GPC5: variants seen among roughly 807,000 people sequenced by gnomAD.
GPC5 encodes the protein glypican 5, also known as glypican-5.
In GPC5, 47 loss-of-function variants were observed where a neutral mutation model predicts 53.9. That is an observed-to-expected ratio of 0.87 (90% confidence interval 0.69 to 1.11). The LOEUF (loss-of-function observed/expected upper bound fraction) is 1.11. GPC5 is among the 50% of genes most tolerant of loss of function. GPC5 has a pLI of 0.00. For synonymous variants in GPC5, 286 were observed against 263.3 expected, an observed-to-expected ratio of 1.09 and a Z score of -0.84; for missense variants, 748 against 713.1, an observed-to-expected ratio of 1.05 and a Z score of -0.56.
chr13:92,798,915 A>G (rs992733070), intron 7 of GPC5, among the ~76,000 whole-genome samples: 1 of 151,886 alleles, frequency 6.6e-6, no homozygotes, highest in African/African-American at 2.4e-5. Flanking sequence ...TAACACCAGT[A>G]TTACAATACG....
intron 7 of GPC5, among the ~76,000 whole-genome samples, chr13:92,661,406 A>C (rs534583905): frequency 6.6e-6 from 1 of 152,342 alleles, no homozygotes; most frequent in South Asian, 2.1e-4. Flanking sequence ...AATTATACAC[A>C]CTAAATGAGA....
rs576127576 is a variant in GPC5, at chr13:91,745,618, GA to G, written c.1155-10668del. Among the ~76,000 whole-genome samples, 85 of 151,118 alleles carry G rather than the reference GA, an allele frequency of 5.6e-4. 1 individual carries two copies. In the South Asian group the frequency reaches 0.017, roughly 29 times the overall value. Reference sequence around the variant, plus strand: ...GGGGAAAACCTGGAATGACTTAGGGGAAAAAAAAATCTGTCTCTTTGAGAAA... The same window carrying G: ...GGGGAAAACCTGGAATGACTTAGGGGAAAAAAAATCTGTCTCTTTGAGAAA... On this transcript the variant is annotated intron_variant, in intron 4 of 7. Coordinates refer to ENST00000377067, the MANE Select transcript of GPC5 (RefSeq NM_004466.6).
intron 5 of GPC5, among the ~76,000 whole-genome samples, chr13:91,898,953 A>G (rs895786539): frequency 2.0e-5 from 3 of 152,218 alleles, no homozygotes; most frequent in African/African-American, 7.2e-5. Flanking sequence ...AATTTGGACA[A>G]CTAAGCTAAG....
intron 2 of GPC5, among the ~76,000 whole-genome samples, chr13:91,648,431 T>A (rs991272481): frequency 3.0e-5 from 4 of 134,534 alleles, no homozygotes; most frequent in East Asian, 1.9e-4. Context: ...AGATTGTCAC[T>A]CTTACATCTT....
chr13:92,331,136 T>G (rs2043285360), intron 7 of GPC5, among the ~76,000 whole-genome samples: 1 of 152,170 alleles, frequency 6.6e-6, no homozygotes, highest in South Asian at 2.1e-4. Context: ...GTGTATTATC[T>G]CTGCTCAGTC....
chr13:92,362,666 G>T (rs1324600614), intron 7 of GPC5, among the ~76,000 whole-genome samples: 2 of 151,652 alleles, frequency 1.3e-5, no homozygotes, highest in East Asian at 1.9e-4. Context: ...ATGGCCCTTT[G>T]GTTTCTCCCA....
intron 7 of GPC5, among the ~76,000 whole-genome samples, chr13:92,196,080 A>G (rs1291371688): frequency 7.9e-5 from 12 of 152,134 alleles, no homozygotes; most frequent in Admixed American, 7.9e-4. Context: ...ATTAAAGTTA[A>G]TTTTGCTTTT....
intron 6 of GPC5, among the ~76,000 whole-genome samples, chr13:92,116,884 G>T (rs1299151698): frequency 3.3e-5 from 5 of 152,038 alleles, no homozygotes; most frequent in African/African-American, 1.2e-4. Context: ...CTCATTTTTT[G>T]TTGGGTTGAT....
Position 92,325,514 on chromosome 13 carries a change from A to G in GPC5, c.1561+180525A>G, listed in dbSNP as rs185434617. On this transcript the variant is annotated intron_variant, in intron 7 of 7. Coordinates refer to ENST00000377067, the MANE Select transcript of GPC5 (RefSeq NM_004466.6). ...GATTAGCTCTGTTGTTGTGATTCTT[A>G]AGGATGATTGTATTCACTGTGGTGG... 7.9e-5 allele frequency among the ~76,000 whole-genome samples: 12 copies of G among 152,200 alleles called. No homozygotes were observed. In the East Asian group the frequency reaches 2.3e-3, roughly 29 times the overall value.
chr13:91,685,056 G>T (rs139198593), intron 2 of GPC5, among the ~76,000 whole-genome samples: 27 of 152,030 alleles, frequency 1.8e-4, no homozygotes, highest in African/African-American at 6.5e-4. Flanking sequence ...CCTCAGAGAG[G>T]GTTTTCCTTC....
intron 7 of GPC5, among the ~76,000 whole-genome samples, chr13:92,666,866 G>T (rs1215445344): frequency 6.6e-6 from 1 of 152,178 alleles, no homozygotes. Flanking sequence ...ATTTCCAAGA[G>T]GAGCTATATT....
chr13:92,161,521 A>G (rs929403163), intron 7 of GPC5, among the ~76,000 whole-genome samples: 5 of 152,210 alleles, frequency 3.3e-5, no homozygotes, highest in East Asian at 1.9e-4. Context: ...AACAAAAATA[A>G]TAAGTATGTG....
chr13:92,634,123 T>TC (rs34850395), intron 7 of GPC5, among the ~76,000 whole-genome samples: 51,841 of 151,834 alleles, frequency 0.34, 10,030 homozygotes, highest in Non-Finnish European at 0.45. Context: ...GGACTATCTT[T>TC]TAATGGAATG....
intron 7 of GPC5, among the ~76,000 whole-genome samples, chr13:92,399,456 A>G (rs1200636747): frequency 6.6e-6 from 1 of 152,062 alleles, no homozygotes; most frequent in Non-Finnish European, 1.5e-5. Context: ...CTCCTTCCAG[A>G]TCATTCCTCA....
chr13:92,387,679 T>C (rs9523662), intron 7 of GPC5, among the ~76,000 whole-genome samples: 76,737 of 151,966 alleles, frequency 0.5, 19,692 homozygotes, highest in East Asian at 0.55. Flanking sequence ...TAAAAAGTGA[T>C]TCTTAATTAA....
chr13:92,078,303 G>A (rs550498750), intron 6 of GPC5, among the ~76,000 whole-genome samples: 27 of 152,198 alleles, frequency 1.8e-4, no homozygotes, highest in Middle Eastern at 3.4e-3. Context: ...TATTCTGAGC[G>A]CCATTTTAAA....
At chr13:92,284,921 G>T (rs2042942857) in intron 7 of GPC5, among the ~76,000 whole-genome samples, 2 of 152,054 alleles carry the variant, frequency 1.3e-5, no homozygotes, top group Non-Finnish European at 2.9e-5. Flanking sequence ...TAAATAAAGG[G>T]TATTCAATTA....
intron 7 of GPC5, among the ~76,000 whole-genome samples, chr13:92,319,493 C>A (rs1259696860): frequency 3.3e-5 from 5 of 151,816 alleles, no homozygotes; most frequent in Admixed American, 6.6e-5. Context: ...TCACTTACCC[C>A]TACCTCCACT....
At position 92,415,674 on chromosome 13, in the gene GPC5, G is replaced by A. The variant is rs1279383618; in HGVS notation, c.1561+270685G>A. Among the ~76,000 whole-genome samples, 4 of 109,100 alleles carry A rather than the reference G, an allele frequency of 3.7e-5. No individual in the cohort carries two copies. The East Asian group carries it at 1.2e-3, about 34-fold the overall frequency. The allele number at this position is 109,100 out of a possible 152,430, so 71.6% of individuals were successfully genotyped here. ...TGCTGAGAGGAAGGTTCCAGCTGGA[G>A]GTAAAAAAAAAAAAAAGAAGTAATA... On this transcript the variant is annotated intron_variant, in intron 7 of 7. Transcript: ENST00000377067.
Sources: allele counts gnomAD v4.1 joint callset (sites outside exome capture counted in the v4.1 genomes callset), GRCh38; gene constraint gnomAD v4.1.1; transcripts MANE v1.5; gene names NCBI Gene and HGNC (gene_info 2026-07-23, HGNC 2026-07-21).